Variants in ASCC3 observed in about 807,000 individuals in gnomAD.
ASCC3 encodes the protein ASC-1 complex subunit P200.
In ASCC3, 158 loss-of-function variants were observed where a neutral mutation model predicts 256.3. That is an observed-to-expected ratio of 0.62 (90% CI 0.54 to 0.70). ASCC3 has a LOEUF of 0.70. Ranked by LOEUF, ASCC3 falls within the 30% of genes least tolerant of loss-of-function variation. The probability of loss-of-function intolerance (pLI) is 0.00; values close to 1 mark genes in which losing one functional copy is unlikely to be tolerated. For synonymous variants in ASCC3, 948 were observed against 883.4 expected (o/e 1.07, Z -1.30); for missense variants, 2,259 against 2,626.0 (o/e 0.86, Z 3.05).
intron 8 of ASCC3, among the ~76,000 whole-genome samples, chr6:100,790,960 T>G (rs1769324823): frequency 6.6e-6 from 1 of 151,910 alleles, no homozygotes; most frequent in South Asian, 2.1e-4. Flanking sequence ...AATTCTTATT[T>G]AGAAGAGAAA....
chr6:100,639,816 G>A (rs1005350198), intron 24 of ASCC3, among the ~76,000 whole-genome samples: 5 of 152,196 alleles, frequency 3.3e-5, no homozygotes, highest in Non-Finnish European at 5.9e-5. Context: ...TAAATTTTCT[G>A]AAGCACTGAA....
At chr6:100,819,469 T>C (rs959802232) in intron 4 of ASCC3, among the ~76,000 whole-genome samples, 1 of 152,146 alleles carries the variant, frequency 6.6e-6, no homozygotes, top group Non-Finnish European at 1.5e-5. Context: ...CAAAAGGCCG[T>C]CTGCAAGCTG....
intron 3 of ASCC3, chr6:100,859,090 C>T (rs745639124): frequency 2.6e-6 from 2 of 779,014 alleles, no homozygotes; most frequent in Non-Finnish European, 4.8e-6. Context: ...CTTCTTTTGT[C>T]CATTTTAGTC....
At chr6:100,607,494 T>C (rs912628034) in intron 30 of ASCC3, among the ~76,000 whole-genome samples, 13 of 151,660 alleles carry the variant, frequency 8.6e-5, no homozygotes, top group African/African-American at 3.1e-4. Context: ...AAAAAAAAAA[T>C]CAGCCATAAT....
intron 36 of ASCC3, among the ~76,000 whole-genome samples, chr6:100,542,613 C>G (rs184663391): frequency 6.9e-4 from 104 of 151,682 alleles, no homozygotes; most frequent in Non-Finnish European, 1.2e-3. Context: ...ACTCGGGAGG[C>G]AGAGGTTGCA....
chr6:100,822,536 C>CAA (rs34408420), intron 4 of ASCC3, among the ~76,000 whole-genome samples: 2 of 113,116 alleles, frequency 1.8e-5, no homozygotes, highest in Admixed American at 8.9e-5. Context: ...ACTCCGTCTC[C>CAA]AAAAAAAAAA....
chr6:100,746,284 A>AATATATTAATC (rs1468454759), intron 10 of ASCC3, among the ~76,000 whole-genome samples: 1 of 151,866 alleles, frequency 6.6e-6, no homozygotes, highest in Non-Finnish European at 1.5e-5. Context: ...CCTCTAATTA[A>AATATATTAATC]ATATATTAAT....
chr6:100,671,284 A>T (rs1248877616), intron 14 of ASCC3, among the ~76,000 whole-genome samples: 1 of 152,094 alleles, frequency 6.6e-6, no homozygotes, highest in Non-Finnish European at 1.5e-5. Context: ...TTTCTAAAGC[A>T]TCAGAAAAAT....
intron 36 of ASCC3, among the ~76,000 whole-genome samples, chr6:100,582,766 T>C (rs1032556949): frequency 5.3e-5 from 8 of 152,170 alleles, no homozygotes; most frequent in Non-Finnish European, 1.0e-4. Context: ...GCCCCATCAA[T>C]ACCTAATTTA....
At chr6:100,659,092 A>C (rs1242295355) in intron 16 of ASCC3, among the ~76,000 whole-genome samples, 1 of 151,428 alleles carries the variant, frequency 6.6e-6, no homozygotes, top group Non-Finnish European at 1.5e-5. Flanking sequence ...ATAACTTAAT[A>C]TAATAATTTC....
At chr6:100,749,243 A>G (rs1344084234) in intron 10 of ASCC3, among the ~76,000 whole-genome samples, 1 of 152,062 alleles carries the variant, frequency 6.6e-6, no homozygotes, top group Admixed American at 6.6e-5. Context: ...TTAACTTGGT[A>G]TATCTAAGAT....
intron 4 of ASCC3, among the ~76,000 whole-genome samples, chr6:100,806,585 T>C (rs566026087): frequency 3.2e-4 from 49 of 152,076 alleles, no homozygotes; most frequent in African/African-American, 1.2e-3. Flanking sequence ...TACATGTATA[T>C]ATTTCTTGTT....
rs777162357 is a variant in ASCC3, at chr6:100,647,442, T to C, written c.3262A>G (p.Arg1088Gly). 6.2e-7 allele frequency: 1 copy of C among 1,613,654 alleles called. No homozygotes were observed. Among genetic ancestry groups the C allele is most frequent in the Non-Finnish European group, 8.5e-7 (1 of 1,179,596 alleles). ...DSAYVAQNAA[R>G]IVRALFEIAL... ...ATTTCAAAAAGAGCACGGACAATTC[T>C]AGCTGCATTCTAAAAAATTATAGGA... Residue 1088 changes from arginine to glycine, a missense_variant, in exon 21 of 42, where the codon AGA becomes GGA. Arg to Gly is a moderately radical substitution (Grantham distance 125). Coordinates refer to ENST00000369162, the MANE Select transcript of ASCC3 (RefSeq NM_006828.4).
intron 8 of ASCC3, among the ~76,000 whole-genome samples, chr6:100,779,882 G>A (rs1054509726): frequency 5.3e-5 from 8 of 151,996 alleles, no homozygotes; most frequent in African/African-American, 1.7e-4. Flanking sequence ...AACAATAGAA[G>A]ACAAAATATC....
intron 31 of ASCC3, 45 bp from the exon 32 acceptor site, chr6:100,606,905 T>C (rs375896704): frequency 1.5e-4 from 239 of 1,607,890 alleles, no homozygotes; most frequent in Admixed American, 4.5e-4. Context: ...AAAATATAAC[T>C]TTTAAGTTAC....
At chr6:100,698,648 A>G (rs772401744) in intron 13 of ASCC3, among the ~76,000 whole-genome samples, 2 of 152,196 alleles carry the variant, frequency 1.3e-5, no homozygotes, top group Non-Finnish European at 2.9e-5. Context: ...CTATAACTAG[A>G]TGAAATAATA....
chr6:100,711,439 C>G (rs867548643), intron 13 of ASCC3, among the ~76,000 whole-genome samples: 1 of 151,952 alleles, frequency 6.6e-6, no homozygotes, highest in Non-Finnish European at 1.5e-5. Context: ...ATAATGAAAT[C>G]TATAGGGCTG....
chr6:100,570,800 C>G (rs1210074396), intron 36 of ASCC3, among the ~76,000 whole-genome samples: 1 of 152,178 alleles, frequency 6.6e-6, no homozygotes, highest in East Asian at 1.9e-4. Flanking sequence ...TTCTCTCTCA[C>G]CAAATTGTTC....
At chr6:100,816,886 T>G (rs770855099) in intron 4 of ASCC3, among the ~76,000 whole-genome samples, 2 of 151,754 alleles carry the variant, frequency 1.3e-5, no homozygotes, top group African/African-American at 2.4e-5. Flanking sequence ...AACCTGCATA[T>G]GTACTCCTGA....
Sources: gnomAD v4.1 joint callset for allele counts (sites outside exome capture counted in the v4.1 genomes callset) on GRCh38, gnomAD v4.1.1 for gene constraint, MANE v1.5 for transcripts, NCBI Gene and HGNC (gene_info 2026-07-23, HGNC 2026-07-21) for gene names.